The following NRXN1 variants were observed in gnomAD, a reference collection of about 807,000 sequenced individuals.
NRXN1 encodes the protein neurexin 1.
Under a neutral mutation model 150.9 loss-of-function variants are expected in NRXN1, and 39 were observed. The ratio of observed to expected loss-of-function variants is 0.26; its 90% CI spans 0.20 to 0.34. The LOEUF (loss-of-function observed/expected upper bound fraction) is 0.34, where lower values mean the gene tolerates loss of function less well. Among genes scored for constraint, NRXN1 ranks in the 10% least tolerant of loss-of-function variants. The pLI is 1.00. For synonymous variants in NRXN1, 924 were observed against 757.0 expected (o/e 1.22, Z -3.62); for missense variants, 1,815 against 1,949.9 (o/e 0.93, Z 1.30).
chr2:50,573,056 G>A (rs1020031830), intron 8 of NRXN1, among the ~76,000 whole-genome samples: 4 of 152,076 alleles, frequency 2.6e-5, no homozygotes, highest in Admixed American at 2.0e-4. Flanking sequence ...AGTTAAAAAT[G>A]CATTATTATA....
intron 17 of NRXN1, among the ~76,000 whole-genome samples, chr2:50,448,854 T>C (rs527905995): frequency 2.0e-5 from 3 of 152,164 alleles, no homozygotes; most frequent in East Asian, 3.9e-4. Context: ...AGAGCAATTC[T>C]AACACTAAAA....
intron 18 of NRXN1, among the ~76,000 whole-genome samples, chr2:50,228,316 T>C (rs1174886557): frequency 6.6e-6 from 1 of 152,044 alleles, no homozygotes; most frequent in African/African-American, 2.4e-5. Context: ...CTTACAAACA[T>C]GGCTCATATA....
chr2:50,620,261 G>T, intron 7 of NRXN1, 78 bp from the exon 8 acceptor site: 3 of 1,441,538 alleles, frequency 2.1e-6, no homozygotes, highest in Admixed American at 2.4e-5. Flanking sequence ...CCTGTTTTGT[G>T]TTTTGCTTTT....
At chr2:50,341,299 G>A (rs533496014) in intron 17 of NRXN1, among the ~76,000 whole-genome samples, 6 of 152,066 alleles carry the variant, frequency 3.9e-5, no homozygotes, top group East Asian at 1.9e-4. Flanking sequence ...AAGTCACTGA[G>A]TTAATAACTG....
intron 5 of NRXN1, among the ~76,000 whole-genome samples, chr2:50,700,110 C>G (rs897015295): frequency 6.6e-6 from 1 of 152,196 alleles, no homozygotes; most frequent in African/African-American, 2.4e-5. Flanking sequence ...TGATAAAGGA[C>G]TCTTTGCAAG....
intron 17 of NRXN1, among the ~76,000 whole-genome samples, chr2:50,243,807 A>G (rs1479547876): frequency 6.6e-6 from 1 of 151,834 alleles, no homozygotes; most frequent in Non-Finnish European, 1.5e-5. Context: ...CCTCTTCAAT[A>G]AGCCAGCCCA....
chr2:50,482,047 C>T (rs970056268), intron 15 of NRXN1, among the ~76,000 whole-genome samples: 2 of 137,402 alleles, frequency 1.5e-5, no homozygotes, highest in African/African-American at 3.6e-5. Flanking sequence ...GGATTACAGG[C>T]GTGAGCCACC....
At chr2:50,178,942 C>A (rs2060520339) in intron 18 of NRXN1, among the ~76,000 whole-genome samples, 1 of 152,070 alleles carries the variant, frequency 6.6e-6, no homozygotes, top group African/African-American at 2.4e-5. Context: ...TCTTCCATTT[C>A]AAAGTGCTCT....
At chr2:50,845,106 T>A (rs1266063483) in intron 5 of NRXN1, among the ~76,000 whole-genome samples, 1 of 152,072 alleles carries the variant, frequency 6.6e-6, no homozygotes, top group Non-Finnish European at 1.5e-5. Flanking sequence ...TCCTCCCTCA[T>A]CAGCCTCCCA....
intron 17 of NRXN1, among the ~76,000 whole-genome samples, chr2:50,307,009 G>GAT (rs1352898687): frequency 1.3e-5 from 2 of 151,760 alleles, no homozygotes; most frequent in African/African-American, 4.8e-5. Context: ...TTCTGAGATG[G>GAT]AGTCTTGCTC....
intron 5 of NRXN1, among the ~76,000 whole-genome samples, chr2:50,852,272 A>C (rs1235535237): frequency 6.6e-6 from 1 of 152,170 alleles, no homozygotes; most frequent in Non-Finnish European, 1.5e-5. Context: ...ATACATGGAG[A>C]AAATCTACTC....
chr2:50,022,413 A>G (rs577404894), intron 21 of NRXN1, among the ~76,000 whole-genome samples: 56 of 152,362 alleles, frequency 3.7e-4, no homozygotes, highest in Middle Eastern at 6.8e-3. Flanking sequence ...TCTTGTACTT[A>G]ATGATTAGAT....
At chr2:50,505,696 C>T (rs926754466) in intron 13 of NRXN1, among the ~76,000 whole-genome samples, 2 of 152,136 alleles carry the variant, frequency 1.3e-5, no homozygotes, top group African/African-American at 4.8e-5. Flanking sequence ...AATATATCCA[C>T]ATTGACACAG....
At position 50,053,510 on chromosome 2, in the gene NRXN1, G is replaced by T. The variant is rs756869640; in HGVS notation, c.3889C>A (p.Leu1297Ile). Residue 1297 changes from leucine (L) to isoleucine (I), a missense_variant, in exon 21 of 23, where the codon CTC becomes ATC. Leu to Ile is a conservative substitution (Grantham distance 5). Around this residue, in one of 6 missense-constraint regions of NRXN1, gnomAD observed 265 missense variants for 307.1 expected, o/e 0.86. Coordinates refer to ENST00000401669, the MANE Select transcript of NRXN1 (RefSeq NM_001330078.2). ...AAGCCATTGTAGTACAGCCCAGAGA[G>T]CTGGCCCTGGAAGGGCTGGCCCTGC... ...KEQGQPFQGQ[L>I]SGLYYNGLKV... 1 of 1,614,094 alleles carries T rather than the reference G, an allele frequency of 6.2e-7. No homozygotes were observed. Among genetic ancestry groups the T allele is most frequent in the Admixed American group, 1.7e-5 (1 of 60,006 alleles).
intron 8 of NRXN1, among the ~76,000 whole-genome samples, chr2:50,593,176 A>T (rs1674567782): frequency 1.3e-5 from 2 of 152,222 alleles, no homozygotes; most frequent in Admixed American, 6.5e-5. Flanking sequence ...AAACTTAAGC[A>T]TGATTAGGTG....
intron 2 of NRXN1, among the ~76,000 whole-genome samples, chr2:51,013,963 T>C (rs1668284892): frequency 1.3e-5 from 2 of 152,088 alleles, no homozygotes; most frequent in Admixed American, 6.6e-5. Flanking sequence ...TTTCCCTTTA[T>C]ACAATTCTGG....
intron 17 of NRXN1, among the ~76,000 whole-genome samples, chr2:50,315,424 T>C (rs1336669587): frequency 1.3e-5 from 2 of 152,164 alleles, no homozygotes; most frequent in Admixed American, 6.6e-5. Context: ...AAATGGAATC[T>C]ATAAGCATTA....
chr2:50,483,707 C>G (rs2090652038), intron 15 of NRXN1, among the ~76,000 whole-genome samples: 1 of 152,130 alleles, frequency 6.6e-6, no homozygotes, highest in Non-Finnish European at 1.5e-5. Context: ...CGTTTGACTC[C>G]CAGGCTAATT....
At chr2:49,972,340 T>G (rs1386148481) in intron 21 of NRXN1, among the ~76,000 whole-genome samples, 1 of 152,178 alleles carries the variant, frequency 6.6e-6, no homozygotes, top group African/African-American at 2.4e-5. Context: ...CCACGCTGCA[T>G]GATAAAATCA....
Sources: gnomAD v4.1 joint callset for allele counts (sites outside exome capture counted in the v4.1 genomes callset) on GRCh38, gnomAD v4.1.1 for gene constraint, gnomAD v4.1.1 regional missense constraint, MANE v1.5 for transcripts, NCBI Gene and HGNC (gene_info 2026-07-23, HGNC 2026-07-21) for gene names.